The following HMCN1 variants were observed in gnomAD, a reference collection of about 807,000 sequenced individuals.
The protein encoded by HMCN1 is hemicentin-1.
A neutral mutation model predicts 625.9 loss-of-function variants in HMCN1; 321 were observed. That is an observed-to-expected ratio of 0.51 (90% CI 0.47 to 0.56). The LOEUF (loss-of-function observed/expected upper bound fraction) is 0.56. Ranked by LOEUF, HMCN1 falls within the 20% of genes least tolerant of loss-of-function variation. The pLI is 0.00. For synonymous variants in HMCN1, 2,425 were observed against 2,417.6 expected (o/e 1.00, Z -0.09); for missense variants, 6,588 against 6,887.3 (o/e 0.96, Z 1.54).
chr1:186,132,439 C>CTTGA lies in HMCN1; in HGVS notation c.13312+33_13312+36dup, dbSNP rs1661992018. ...GCTGCTTAATGAAACTAATTAAACA[C>CTTGA]TTGATTTAGGAAATATTACCTAATA... On this transcript the variant is annotated intron_variant, in intron 86 of 106. Coordinates refer to ENST00000271588, the MANE Select transcript of HMCN1 (RefSeq NM_031935.3). 8 of 1,497,078 alleles carry CTTGA rather than the reference C, an allele frequency of 5.3e-6. No homozygotes were observed. In the East Asian group the frequency reaches 7.0e-5, roughly 13 times the overall value. 92.7% of individuals were successfully genotyped at this position (1,497,078 alleles called of 1,614,324 possible).
At chr1:186,114,434 T>C (rs1012126988) in intron 73 of HMCN1, among the ~76,000 whole-genome samples, 2 of 152,066 alleles carry the variant, frequency 1.3e-5, no homozygotes, top group Admixed American at 6.5e-5. Context: ...ATTTTTTGTA[T>C]TTTTAGTAGA....
At chr1:185,783,981 C>A (rs115333576) in intron 1 of HMCN1, among the ~76,000 whole-genome samples, 1 of 152,194 alleles carries the variant, frequency 6.6e-6, no homozygotes, top group African/African-American at 2.4e-5. Flanking sequence ...CCTTTAGCTG[C>A]GGTGGGCTCC....
intron 36 of HMCN1, among the ~76,000 whole-genome samples, chr1:186,026,948 T>A (rs1450753647): frequency 6.6e-6 from 1 of 152,186 alleles, no homozygotes; most frequent in East Asian, 1.9e-4. Flanking sequence ...GTTTTTTTTT[T>A]AATCTCAATC....
At chr1:186,150,008 A>G (rs1650570439) in intron 93 of HMCN1, among the ~76,000 whole-genome samples, 1 of 152,212 alleles carries the variant, frequency 6.6e-6, no homozygotes. Flanking sequence ...AATAATAATG[A>G]AAAAGTTTGA....
chr1:185,924,461 A>G (rs1295851688), intron 8 of HMCN1, among the ~76,000 whole-genome samples: 1 of 151,916 alleles, frequency 6.6e-6, no homozygotes, highest in Non-Finnish European at 1.5e-5. Flanking sequence ...TATTAGGTGG[A>G]GGGACGAAAA....
In HMCN1 at chr1:185,749,633, C is replaced by A. The variant is rs1380657572; in HGVS notation, c.268+14586C>A. ...CTTTCACACCCCACATCTGATCCCT[C>A]CACAAGTTATTTTGGCTCTGCCTTC... On this transcript the variant is annotated intron_variant, in intron 1 of 106. Transcript: ENST00000271588. Among the ~76,000 whole-genome samples, 6 of 152,184 alleles carry A rather than the reference C, an allele frequency of 3.9e-5. No homozygotes were observed. In the East Asian group the frequency reaches 1.2e-3, roughly 29 times the overall value.
intron 19 of HMCN1, among the ~76,000 whole-genome samples, chr1:185,986,841 A>T (rs1013713108): frequency 9.3e-5 from 14 of 150,004 alleles, no homozygotes; most frequent in East Asian, 3.9e-4. Flanking sequence ...AAAAAAAAAA[A>T]AAATTAATTA....
chr1:186,062,742 G>A, intron 48 of HMCN1, 142 bp downstream of exon 48: 1 of 690,096 alleles, frequency 1.4e-6, no homozygotes, highest in South Asian at 1.5e-5. Context: ...TACTGGTGAA[G>A]TCTCAGTGAT....
intron 6 of HMCN1, among the ~76,000 whole-genome samples, chr1:185,918,359 G>T (rs1666832440): frequency 2.0e-5 from 3 of 152,176 alleles, no homozygotes; most frequent in African/African-American, 7.2e-5. Flanking sequence ...GGAGAAAGAT[G>T]AAATCCAGAA....
intron 2 of HMCN1, among the ~76,000 whole-genome samples, chr1:185,863,630 C>G (rs1344672734): frequency 6.6e-6 from 1 of 152,100 alleles, no homozygotes; most frequent in Non-Finnish European, 1.5e-5. Context: ...AGTGTAAATA[C>G]AGCAAACTCA....
chr1:185,753,557 T>A (rs907386346), intron 1 of HMCN1, among the ~76,000 whole-genome samples: 5 of 152,206 alleles, frequency 3.3e-5, no homozygotes, highest in Non-Finnish European at 5.9e-5. Context: ...ACCTTTCTAA[T>A]GCAGATATTT....
intron 93 of HMCN1, among the ~76,000 whole-genome samples, chr1:186,150,759 G>A (rs1650613890): frequency 6.6e-6 from 1 of 151,846 alleles, no homozygotes; most frequent in Non-Finnish European, 1.5e-5. Context: ...ATGTAATAAG[G>A]AGAAAGTTGC....
chr1:186,063,103 T>TATATATG (rs1657859128), intron 48 of HMCN1, among the ~76,000 whole-genome samples: 1 of 130,054 alleles, frequency 7.7e-6, no homozygotes, highest in African/African-American at 2.9e-5. Context: ...TATATATATA[T>TATATATG]CACATTTTCA....
chr1:185,896,254 C>CA (rs1276953141), intron 4 of HMCN1, among the ~76,000 whole-genome samples: 3 of 151,962 alleles, frequency 2.0e-5, no homozygotes, highest in African/African-American at 4.8e-5. Context: ...TTAATAATTC[C>CA]AAAATATGTT....
chr1:186,046,602 C>T (rs1255061162), intron 41 of HMCN1, among the ~76,000 whole-genome samples: 1 of 151,944 alleles, frequency 6.6e-6, no homozygotes, highest in Non-Finnish European at 1.5e-5. Flanking sequence ...AGTCAATTAC[C>T]AACTGGATGG....
chr1:186,049,516 A>T lies in HMCN1; in HGVS notation c.6577+677A>T, dbSNP rs79561722. Among the ~76,000 whole-genome samples the T allele has an allele frequency of 9.5e-3, 1,442 of 152,136 alleles. 12 individuals carry two copies. The highest frequency in any genetic ancestry group is 0.015 in the Non-Finnish European group (1,037 of 67,954). On this transcript the variant is annotated intron_variant, in intron 42 of 106. Coordinates refer to ENST00000271588, the MANE Select transcript of HMCN1 (RefSeq NM_031935.3). ...CTCAGTTGAAATTTTACCATTTGTT[A>T]CTAATTAAGATAATTCTTATAGTCA...
At chr1:185,998,218 A>G (rs956406702) in intron 25 of HMCN1, among the ~76,000 whole-genome samples, 4 of 152,228 alleles carry the variant, frequency 2.6e-5, no homozygotes, top group Non-Finnish European at 5.9e-5. Context: ...GAGTTCTGGC[A>G]AAGTCCAAGC....
At chr1:185,996,049 C>A (rs1652764792) in intron 24 of HMCN1, among the ~76,000 whole-genome samples, 1 of 152,122 alleles carries the variant, frequency 6.6e-6, no homozygotes, top group East Asian at 1.9e-4. Flanking sequence ...TTTTCCTGTT[C>A]ATTCCACAAA....
rs777277159 is a variant in HMCN1 at position 185,987,462 on chromosome 1, TACTC to T, written c.2968_2971del (p.Leu990ValfsTer8). ...CCAACCATTCAGCATGGGCAGCAGA[TACTC>T]AGTACAATTGAAGGCATTCCAGTAA... On this transcript the variant is annotated frameshift_variant, in exon 20 of 107. Coordinates refer to ENST00000271588, the MANE Select transcript of HMCN1 (RefSeq NM_031935.3). LOFTEE classifies it high-confidence loss of function. The T allele has an allele frequency of 6.2e-7, 1 of 1,613,840 alleles. No homozygotes were observed. The highest frequency in any genetic ancestry group is 8.5e-7 in the Non-Finnish European group (1 of 1,179,690).
Sources: gnomAD v4.1 joint callset for allele counts (sites outside exome capture counted in the v4.1 genomes callset) on GRCh38, gnomAD v4.1.1 for gene constraint, MANE v1.5 for transcripts, NCBI Gene and HGNC (gene_info 2026-07-23, HGNC 2026-07-21) for gene names.